KMT2E: variants seen among roughly 807,000 people sequenced by gnomAD.
KMT2E encodes histone reader KMT2E.
Under a neutral mutation model 184.6 loss-of-function variants are expected in KMT2E, and 30 were observed. The ratio of observed to expected loss-of-function variants is 0.16; its 90% CI spans 0.12 to 0.22. KMT2E has a LOEUF of 0.22. Among genes scored for constraint, KMT2E ranks in the 10% least tolerant of loss-of-function variants. The pLI is 1.00. For synonymous variants in KMT2E, 815 were observed against 776.5 expected (o/e 1.05, Z -0.82); for missense variants, 2,023 against 2,237.4 (o/e 0.90, Z 1.93).
rs1011142616 is a variant in KMT2E at position 105,063,780 on chromosome 7, A to G, written c.416+200A>G. The G allele has an allele frequency of 5.4e-6, 3 of 557,384 alleles. No individual in the cohort carries two copies. In the African/African-American group the frequency reaches 5.7e-5, roughly 11 times the overall value. The allele number at this position is 557,384 out of a possible 1,614,324, so 34.5% of individuals were successfully genotyped here. On this transcript the variant is annotated intron_variant, in intron 5 of 26. Transcript: ENST00000311117. ...AGAAATCCCTGTTGTTAACTGAGTAATAGACAGTCAGTTCTGAACTTTTTT... is the reference window on the plus strand; with the variant it reads ...AGAAATCCCTGTTGTTAACTGAGTAGTAGACAGTCAGTTCTGAACTTTTTT...
At chr7:105,014,707 T>G (rs1794637678) in intron 1 of KMT2E, among the ~76,000 whole-genome samples, 172 bp downstream of exon 1, 1 of 152,118 alleles carries the variant, frequency 6.6e-6, no homozygotes, top group African/African-American at 2.4e-5. Flanking sequence ...AATTTATTCT[T>G]TCTTCTCCCT....
At chr7:105,076,222 T>C (rs1265841350) in intron 9 of KMT2E, 141 bp downstream of exon 9, 1 of 599,372 alleles carries the variant, frequency 1.7e-6, no homozygotes, top group Non-Finnish European at 2.9e-6. Context: ...AGTGGGACCT[T>C]AGTTCTAATT....
chr7:105,109,245 G>C lies in KMT2E; in HGVS notation c.3755+17G>C. 6.2e-7 allele frequency: 1 copy of C among 1,609,822 alleles called. No individual in the cohort carries two copies. Among genetic ancestry groups the C allele is most frequent in the Non-Finnish European group, 8.5e-7 (1 of 1,177,460 alleles). On this transcript the variant is annotated intron_variant, in intron 23 of 26. Coordinates refer to ENST00000311117, the MANE Select transcript of KMT2E (RefSeq NM_182931.3). Reference sequence around the variant, plus strand: ...AGTTCAATGGTAAGCCCATTGTGAAGTATGCTACTCTGGAAAAAACAAGCT... The same window carrying C: ...AGTTCAATGGTAAGCCCATTGTGAACTATGCTACTCTGGAAAAAACAAGCT...
At chr7:105,042,292 T>C (rs1480473328) in intron 3 of KMT2E, among the ~76,000 whole-genome samples, 1 of 152,136 alleles carries the variant, frequency 6.6e-6, no homozygotes, top group African/African-American at 2.4e-5. Context: ...TGCCCAGCCA[T>C]GTTTACAGCT....
Position 105,091,295 on chromosome 7 carries a change from C to A in KMT2E, c.1703C>A (p.Ala568Glu), listed in dbSNP as rs746414646. 1.2e-6 allele frequency: 2 copies of A among 1,602,062 alleles called. No homozygotes were observed. The highest frequency in any genetic ancestry group is 1.7e-6 in the Non-Finnish European group (2 of 1,169,234). The change falls in exon 15 of 27, where the codon GCA becomes GAA. Residue 568 changes from alanine (A) to glutamate (E), a missense_variant. Around this residue, in one of 8 missense-constraint regions of KMT2E, gnomAD observed 514 missense variants for 621.8 expected, o/e 0.83. Coordinates refer to ENST00000311117, the MANE Select transcript of KMT2E (RefSeq NM_182931.3). ...EVEMESEEQI[A>E]ERKRKMTREE... ...GAAATGGAATCAGAGGAGCAGATTG[C>A]AGAAAGGAAAAGGAAGATGGTAAGT... is the stretch of plus-strand genomic sequence containing the variant.
intron 15 of KMT2E, among the ~76,000 whole-genome samples, chr7:105,091,806 A>T (rs1201563726): frequency 6.6e-6 from 1 of 151,904 alleles, no homozygotes; most frequent in African/African-American, 2.4e-5. Context: ...TAAATTTAGG[A>T]TATATATTCC....
chr7:105,082,399 G>A (rs1797793188), intron 13 of KMT2E, among the ~76,000 whole-genome samples: 2 of 152,170 alleles, frequency 1.3e-5, no homozygotes, highest in South Asian at 4.1e-4. Context: ...CGGTTGACTG[G>A]AAGTGTTACC....
chr7:105,035,659 A>C (rs1795620538), intron 1 of KMT2E, among the ~76,000 whole-genome samples: 4 of 151,966 alleles, frequency 2.6e-5, no homozygotes, highest in African/African-American at 9.7e-5. Context: ...TGTGCAGTTC[A>C]GGTGATTCTC....
intron 2 of KMT2E, among the ~76,000 whole-genome samples, chr7:105,040,175 T>G (rs73718223): frequency 2.0e-3 from 298 of 152,298 alleles, no homozygotes; most frequent in African/African-American, 6.7e-3. Flanking sequence ...TAACATAGTT[T>G]CCCTTACATA....
chr7:105,101,525 C>A lies in KMT2E; in HGVS notation c.1823C>A (p.Ala608Asp). 1.3e-6 allele frequency: 2 copies of A among 1,588,680 alleles called. No individual in the cohort carries two copies. The highest frequency in any genetic ancestry group is 2.3e-5 in the East Asian group (1 of 43,496). The change falls in exon 16 of 27, where the codon GCC becomes GAC. Residue 608 changes from alanine (A) to aspartate (D), a missense_variant. Coordinates refer to ENST00000311117, the MANE Select transcript of KMT2E (RefSeq NM_182931.3). ...CAAGCTTTGGAAAGGATCAGCACAG[C>A]CAAAACTGAAGTTAAAACTGAATGT... ...REQALERIST[A>D]KTEVKTECKD...
At chr7:105,025,574 T>A (rs563184674) in intron 1 of KMT2E, among the ~76,000 whole-genome samples, 2 of 152,310 alleles carry the variant, frequency 1.3e-5, no homozygotes, top group South Asian at 4.1e-4. Flanking sequence ...TTAAAAATAC[T>A]AATGTCCATG....
chr7:105,096,726 T>TAA (rs1554398433), intron 15 of KMT2E, among the ~76,000 whole-genome samples: 1 of 152,090 alleles, frequency 6.6e-6, no homozygotes, highest in Admixed American at 6.5e-5. Context: ...TGAGGAAAGA[T>TAA]AGACAGACAG....
In KMT2E at chr7:105,107,860, C is replaced by T. The variant is rs537953429; in HGVS notation, c.3403C>T (p.Arg1135Trp). ...AGATGGGCTTGTATCTGGTTTCGGACGGACTGTTAATGACAATTTGATCGA... is the reference window on the plus strand; with the variant it reads ...AGATGGGCTTGTATCTGGTTTCGGATGGACTGTTAATGACAATTTGATCGA... ...SEDGLVSGFGRTVNDNLIDGN... is the reference protein window; with the variant it reads ...SEDGLVSGFGWTVNDNLIDGN... Residue 1135 changes from arginine (R) to tryptophan (W), a missense_variant, in exon 22 of 27, where the codon CGG (arginine) becomes TGG (tryptophan). Arg to Trp is a moderately radical substitution (Grantham distance 101). Transcript: ENST00000311117. 17 of 1,613,826 alleles carry T rather than the reference C, an allele frequency of 1.1e-5. No homozygotes were observed. The highest frequency in any genetic ancestry group is 2.7e-5 in the African/African-American group (2 of 74,806).
At chr7:105,032,028 T>C (rs894278707) in intron 1 of KMT2E, among the ~76,000 whole-genome samples, 1 of 126,272 alleles carries the variant, frequency 7.9e-6, no homozygotes, top group Non-Finnish European at 1.6e-5. Context: ...ATCACACTAC[T>C]GCACTCCACA....
At chr7:105,057,438 G>GT (rs957017683) in intron 3 of KMT2E, among the ~76,000 whole-genome samples, 43 of 151,810 alleles carry the variant, frequency 2.8e-4, no homozygotes, top group African/African-American at 8.7e-4. Context: ...TCTTTGAGTT[G>GT]TTTTTTTTGT....
chr7:105,074,836 A>C, intron 8 of KMT2E, 21 bp downstream of exon 8: 2 of 1,578,772 alleles, frequency 1.3e-6, no homozygotes, highest in Non-Finnish European at 1.7e-6. Context: ...GCTTGTTTTT[A>C]GGTGAGTGGA....
intron 12 of KMT2E, among the ~76,000 whole-genome samples, chr7:105,080,861 G>T (rs1458731462): frequency 2.0e-5 from 3 of 152,046 alleles, no homozygotes; most frequent in East Asian, 1.9e-4. Context: ...AAATTAGCCA[G>T]GTGTGGTGGC....
intron 16 of KMT2E, 117 bp downstream of exon 16, chr7:105,101,706 T>G: frequency 1.0e-6 from 1 of 999,494 alleles, no homozygotes; most frequent in South Asian, 2.2e-5. Context: ...TAATAGCATT[T>G]TTCAGATCCT....
chr7:105,047,250 A>G (rs1437435542), intron 3 of KMT2E, among the ~76,000 whole-genome samples: 1 of 152,272 alleles, frequency 6.6e-6, no homozygotes, highest in Non-Finnish European at 1.5e-5. Flanking sequence ...GAAAGAAAAT[A>G]AGTATACAAC....
Sources: allele counts gnomAD v4.1 joint callset (sites outside exome capture counted in the v4.1 genomes callset), GRCh38; gene constraint gnomAD v4.1.1; regional missense constraint gnomAD v4.1.1; transcripts MANE v1.5; gene names NCBI Gene and HGNC (gene_info 2026-07-23, HGNC 2026-07-21).